ADAM12: variants seen among roughly 807,000 people sequenced by gnomAD.
ADAM12 encodes ADAM metallopeptidase domain 12, also known as disintegrin and metalloproteinase domain-containing protein 12.
ADAM12 carries 70 observed loss-of-function variants against 106.4 expected under a neutral mutation model. The ratio of observed to expected loss-of-function variants is 0.66; its 90% CI spans 0.54 to 0.80. The LOEUF (loss-of-function observed/expected upper bound fraction) is 0.80, where lower values mean the gene tolerates loss of function less well. Among genes scored for constraint, ADAM12 ranks in the 30% least tolerant of loss-of-function variants. ADAM12 has a pLI of 0.00. For synonymous variants in ADAM12, 420 were observed against 433.5 expected (o/e 0.97, Z 0.39); for missense variants, 1,010 against 1,171.9 (o/e 0.86, Z 2.02).
chr10:126,166,046 T>A (rs141916123), intron 3 of ADAM12, among the ~76,000 whole-genome samples: 1 of 152,228 alleles, frequency 6.6e-6, no homozygotes, highest in Non-Finnish European at 1.5e-5. Context: ...TCACAAACTA[T>A]ATTAAATAAA....
intron 14 of ADAM12, among the ~76,000 whole-genome samples, chr10:126,057,574 CA>C (rs139882590): frequency 0.026 from 4,005 of 152,244 alleles, 181 homozygotes; most frequent in African/African-American, 0.089. Flanking sequence ...CTGTTTGCAA[CA>C]CGCCCCTGCT....
At chr10:126,072,262 GTCTAAACAACCGGGTGCC>G (rs927962411) in intron 11 of ADAM12, among the ~76,000 whole-genome samples, 10 of 152,044 alleles carry the variant, frequency 6.6e-5, no homozygotes, top group Admixed American at 2.6e-4. Flanking sequence ...GTGTGGCAGG[GTCTAAACAACCGGGTGCC>G]TCTAAACAAC....
intron 3 of ADAM12, among the ~76,000 whole-genome samples, chr10:126,262,170 A>G (rs1314507770): frequency 2.0e-5 from 3 of 152,174 alleles, no homozygotes; most frequent in Non-Finnish European, 2.9e-5. Context: ...GTAATATCAT[A>G]TAATATATAG....
rs190082968 is a variant in ADAM12, at chr10:126,025,709, A to G, written c.2530-5884T>C. On this transcript the variant is annotated intron_variant, in intron 21 of 22. Transcript: ENST00000448723. ...CAGCAACCTCGAAGATCAAAGGTAG[A>G]TAAGCCCACAAAGATGGAAAACATA... 4.6e-5 allele frequency among the ~76,000 whole-genome samples: 7 copies of G among 152,376 alleles called. No homozygotes were observed. The South Asian group carries it at 8.3e-4, about 18-fold the overall frequency.
chr10:126,293,330 C>G (rs962493144), intron 2 of ADAM12, among the ~76,000 whole-genome samples: 2 of 152,130 alleles, frequency 1.3e-5, no homozygotes, highest in Non-Finnish European at 2.9e-5. Context: ...CCCCACCTGC[C>G]CTATGGGATC....
At chr10:126,362,793 TGAG>T (rs1181304497) in intron 1 of ADAM12, among the ~76,000 whole-genome samples, 1 of 151,930 alleles carries the variant, frequency 6.6e-6, no homozygotes, top group Admixed American at 6.6e-5. Context: ...ATGGGGGAAA[TGAG>T]GAGATGATGG....
chr10:126,081,029 C>A (rs985462), intron 11 of ADAM12, among the ~76,000 whole-genome samples: 1 of 151,930 alleles, frequency 6.6e-6, no homozygotes, highest in Non-Finnish European at 1.5e-5. Context: ...GGGTATGATT[C>A]GGAGACAACT....
intron 3 of ADAM12, among the ~76,000 whole-genome samples, chr10:126,257,904 T>G (rs1041063448): frequency 6.6e-6 from 1 of 152,190 alleles, no homozygotes; most frequent in Non-Finnish European, 1.5e-5. Flanking sequence ...ACAACGGTGG[T>G]GTCTTTACAG....
intron 21 of ADAM12, among the ~76,000 whole-genome samples, chr10:126,033,898 C>G (rs995856446): frequency 2.0e-5 from 3 of 152,170 alleles, no homozygotes; most frequent in African/African-American, 7.2e-5. Flanking sequence ...AATACATTCT[C>G]AGATAAAGGA....
At chr10:126,346,848 T>A (rs1171641746) in intron 1 of ADAM12, among the ~76,000 whole-genome samples, 2 of 152,228 alleles carry the variant, frequency 1.3e-5, no homozygotes, top group Non-Finnish European at 2.9e-5. Context: ...TTGCAACCCC[T>A]GCCTTTCTTT....
intron 11 of ADAM12, among the ~76,000 whole-genome samples, chr10:126,081,140 CG>C (rs1458445111): frequency 1.3e-5 from 2 of 152,140 alleles, no homozygotes; most frequent in Non-Finnish European, 2.9e-5. Context: ...TGTGACTCTG[CG>C]GCCTCATTAA....
Position 126,118,300 on chromosome 10 carries a change from A to G in ADAM12, c.417-76T>C, listed in dbSNP as rs564078315. ...GTTTATGGCCAAGACACAGTTCTTA[A>G]CAAGAGAGAGAATGAAAACAGAAAC... On this transcript the variant is annotated intron_variant, in intron 5 of 22. Coordinates refer to ENST00000448723, the MANE Select transcript of ADAM12 (RefSeq NM_001288973.2). The G allele has an allele frequency of 2.9e-6, 3 of 1,048,798 alleles. No homozygotes were observed. In the African/African-American group the frequency reaches 4.8e-5, roughly 17 times the overall value. 65.0% of individuals were successfully genotyped at this position (1,048,798 alleles called of 1,614,324 possible).
intron 5 of ADAM12, among the ~76,000 whole-genome samples, chr10:126,128,988 T>C (rs529688630): frequency 6.6e-6 from 1 of 152,374 alleles, no homozygotes; most frequent in Admixed American, 6.5e-5. Context: ...TGAGGACACC[T>C]CGTGCTCAGG....
intron 21 of ADAM12, among the ~76,000 whole-genome samples, chr10:126,025,012 T>TA (rs1051824417): frequency 3.3e-5 from 5 of 152,064 alleles, no homozygotes; most frequent in Admixed American, 6.6e-5. Flanking sequence ...GCCAGACTGT[T>TA]AAACAGAAAA....
chr10:126,375,970 G>A (rs1856277081), intron 1 of ADAM12, among the ~76,000 whole-genome samples: 1 of 151,338 alleles, frequency 6.6e-6, no homozygotes. Context: ...CAAATTTCTG[G>A]GCTCAAGTAA....
At position 126,278,723 on chromosome 10, in the gene ADAM12, T is replaced by C. The variant is rs74158204; in HGVS notation, c.260+192A>G. On this transcript the variant is annotated intron_variant, in intron 3 of 22. Coordinates refer to ENST00000448723, the MANE Select transcript of ADAM12 (RefSeq NM_001288973.2). The stretch of plus-strand genomic sequence containing the variant: ...AGTGTTGAGTTATAAAGTTCCTTAA[T>C]AGAGTGATAAAATTCTTTATTTTTC... 2.3e-3 allele frequency among the ~76,000 whole-genome samples: 355 copies of C among 152,334 alleles called. 2 individuals carry two copies. Among genetic ancestry groups the C allele is most frequent in the African/African-American group, 8.2e-3 (340 of 41,594 alleles).
chr10:126,279,064 C>T (rs997535613), intron 2 of ADAM12, 76 bp from the exon 3 acceptor site: 14 of 1,116,822 alleles, frequency 1.3e-5, no homozygotes, highest in Admixed American at 3.8e-5. Context: ...GACCCACAGG[C>T]GTAGTCAAAT....
intron 3 of ADAM12, among the ~76,000 whole-genome samples, chr10:126,193,790 G>A (rs569773813): frequency 2.0e-4 from 30 of 152,196 alleles, no homozygotes; most frequent in Admixed American, 8.5e-4. Flanking sequence ...CCAGCTACTC[G>A]GTAGGCTGAG....
In ADAM12 at chr10:126,190,990, C is replaced by CTTT. The variant is rs10669948; in HGVS notation, c.261-35688_261-35686dup. 4.0e-4 allele frequency among the ~76,000 whole-genome samples: 27 copies of CTTT among 67,934 alleles called. 6 individuals are homozygous for CTTT. Among genetic ancestry groups the CTTT allele is most frequent in the South Asian group, 1.5e-3 (3 of 1,994 alleles). 44.6% of individuals were successfully genotyped at this position (67,934 alleles called of 152,430 possible). On this transcript the variant is annotated intron_variant, in intron 3 of 22. Transcript: ENST00000448723. ...TTGAGTTGCCATGAGGAGTTTTGTCCTTTTTTTTTTTTTTTTTTTTTTTTT... is the reference window on the plus strand; with the variant it reads ...TTGAGTTGCCATGAGGAGTTTTGTCCTTTTTTTTTTTTTTTTTTTTTTTTTTTT...
Sources: gnomAD v4.1 joint callset for allele counts (sites outside exome capture counted in the v4.1 genomes callset) on GRCh38, gnomAD v4.1.1 for gene constraint, MANE v1.5 for transcripts, NCBI Gene and HGNC (gene_info 2026-07-23, HGNC 2026-07-21) for gene names.